Variants in NAGS observed in about 807,000 individuals in gnomAD.
NAGS encodes the protein N-acetylglutamate synthase.
NAGS carries 34 observed loss-of-function variants against 46.9 expected under a neutral mutation model. The ratio of observed to expected loss-of-function variants is 0.72; its 90% CI spans 0.55 to 0.97. The LOEUF is 0.97. NAGS is among the 50% of genes least tolerant of loss of function. The pLI, the probability that NAGS is intolerant of heterozygous loss-of-function variation, is 0.00. For missense variants in NAGS, 665 were observed against 747.0 expected, an observed-to-expected ratio of 0.89 and a Z score of 1.28; for synonymous variants, 334 against 346.3, an observed-to-expected ratio of 0.96 and a Z score of 0.39.
In NAGS at chr17:44,005,557, G is replaced by C. The variant is rs373425505; in HGVS notation, c.427-80G>C. 1.7e-5 allele frequency: 26 copies of C among 1,549,390 alleles called. No individual in the cohort carries two copies. The African/African-American group carries it at 2.4e-4, about 15-fold the overall frequency. On this transcript the variant is annotated intron_variant, in intron 1 of 6. Coordinates refer to ENST00000293404, the MANE Select transcript of NAGS (RefSeq NM_153006.3). The surrounding 1 kb of genome is among the most constrained non-coding windows in gnomAD (Gnocchi z 7.2). The stretch of plus-strand genomic sequence containing the variant: ...CAGCTTCTGGAAGGGTAGGGTCACC[G>C]AGACGGCCCTGCAGGCCAGGCTGTG...
Position 44,007,408 on chromosome 17 carries a change from G to A in NAGS, c.1182G>A (p.Leu394=). The change falls in exon 5 of 7, where the codon CTG becomes CTA. Residue 394 remains leucine (L), a synonymous_variant. Transcript: ENST00000293404. This position sits in a 1 kb window ranked among gnomAD's most constrained non-coding sequence, Gnocchi z 5.1. ...TGGACCAGGGCCGTCTAGTGGACCT[G>A]GTCAACGCCAGCTTCGGCAAGAAGC... is the stretch of plus-strand genomic sequence containing the variant. ...DKLDQGRLVD[L]VNASFGKKLR... is the part of the protein sequence containing the mutation. 6 of 1,613,892 alleles carry A rather than the reference G, an allele frequency of 3.7e-6. No homozygotes were observed. Among genetic ancestry groups the A allele is most frequent in the Non-Finnish European group, 5.1e-6 (6 of 1,179,988 alleles).
Position 44,004,844 on chromosome 17 carries a change from G to C in NAGS, c.181G>C (p.Glu61Gln). The C allele has an allele frequency of 1.3e-6, 2 of 1,521,792 alleles. No individual in the cohort carries two copies. The highest frequency in any genetic ancestry group is 1.8e-6 in the Non-Finnish European group (2 of 1,140,488). The allele number at this position is 1,521,792 out of a possible 1,614,324, so 94.3% of individuals were successfully genotyped here. Residue 61 changes from glutamate (E) to glutamine (Q), a missense_variant, in exon 1 of 7, where the codon GAG becomes CAG. Transcript: ENST00000293404. The part of the protein sequence containing the change: ...TAWSQPQPPP[E>Q]EYAGADDVSQ... Reference sequence around the variant, plus strand: ...CTGGTCGCAGCCCCAGCCCCCGCCCGAGGAGTACGCGGGCGCGGACGACGT... The same window carrying C: ...CTGGTCGCAGCCCCAGCCCCCGCCCCAGGAGTACGCGGGCGCGGACGACGT...
chr17:44,007,923 A>C lies in NAGS; in HGVS notation c.1451+150A>C. On this transcript the variant is annotated intron_variant, in intron 6 of 6. Transcript: ENST00000293404. The surrounding 1 kb of genome is among the most constrained non-coding windows in gnomAD (Gnocchi z 5.1). ...AGGGGCAGAACACACAGAAAGCCTGAGATTTCCCGAGTTAAAGCATGCTTA... is the reference window on the plus strand; with the variant it reads ...AGGGGCAGAACACACAGAAAGCCTGCGATTTCCCGAGTTAAAGCATGCTTA... 1 of 853,302 alleles carries C rather than the reference A, an allele frequency of 1.2e-6. No homozygotes were observed. Among genetic ancestry groups the C allele is most frequent in the Non-Finnish European group, 1.9e-6 (1 of 533,606 alleles). The allele number at this position is 853,302 out of a possible 1,614,324, so 52.9% of individuals were successfully genotyped here.
Position 44,004,996 on chromosome 17 carries a change from C to T in NAGS, c.333C>T (p.Asn111=), listed in dbSNP as rs2049066110. The change falls in exon 1 of 7, where the codon AAC becomes AAT. Residue 111 remains asparagine (N), a synonymous_variant. Coordinates refer to ENST00000293404, the MANE Select transcript of NAGS (RefSeq NM_153006.3). The part of the protein sequence containing the change: ...LVQRDIQAFL[N]QCGASPGEAR... ...AGCGGGACATCCAGGCCTTCCTGAA[C>T]CAGTGCGGGGCCAGCCCTGGGGAGG... The T allele has an allele frequency of 6.5e-7, 1 of 1,549,596 alleles. No individual in the cohort carries two copies. The highest frequency in any genetic ancestry group is 1.4e-5 in the African/African-American group (1 of 73,580).
Position 44,008,709 on chromosome 17 carries a change from G to C in NAGS, c.*108G>C, listed in dbSNP as rs2049125799. ...GCCACAGGCTGAAGGGGGCTTGTTGGCTGAGTGATCTGCAGAGGAGAAAGC... is the reference window on the plus strand; with the variant it reads ...GCCACAGGCTGAAGGGGGCTTGTTGCCTGAGTGATCTGCAGAGGAGAAAGC... On this transcript the variant is annotated 3_prime_UTR_variant, in exon 7 of 7. Coordinates refer to ENST00000293404, the MANE Select transcript of NAGS (RefSeq NM_153006.3). 2 of 1,456,202 alleles carry C rather than the reference G, an allele frequency of 1.4e-6. No homozygotes were observed. Among genetic ancestry groups the C allele is most frequent in the South Asian group, 1.1e-5 (1 of 87,092 alleles). The allele number at this position is 1,456,202 out of a possible 1,614,324, so 90.2% of individuals were successfully genotyped here.
At position 44,006,813 on chromosome 17, in the gene NAGS, C is replaced by G; in HGVS notation, c.1096+104C>G. 2 of 1,266,098 alleles carry G rather than the reference C, an allele frequency of 1.6e-6. No homozygotes were observed. Among genetic ancestry groups the G allele is most frequent in the Non-Finnish European group, 2.1e-6 (2 of 931,630 alleles). The allele number at this position is 1,266,098 out of a possible 1,614,324, so 78.4% of individuals were successfully genotyped here. ...GCGGCTTCTCCTCCTGTCCAGGAGC[C>G]GTAGGGGGAGGCGGGGGGTGTCACA... On this transcript the variant is annotated intron_variant, in intron 4 of 6. Transcript: ENST00000293404. This position sits in a 1 kb window ranked among gnomAD's most constrained non-coding sequence, Gnocchi z 4.8.
chr17:44,006,118 G>C lies in NAGS; in HGVS notation c.796G>C (p.Ala266Pro). The change falls in exon 3 of 7, where the codon GCG (alanine) becomes CCG (proline). Residue 266 changes from alanine to proline, a missense_variant. Physicochemically the swap from Ala to Pro is conservative, Grantham distance 27. Coordinates refer to ENST00000293404, the MANE Select transcript of NAGS (RefSeq NM_153006.3). This position sits in a 1 kb window ranked among gnomAD's most constrained non-coding sequence, Gnocchi z 4.8. ...PILCPIGETA[A>P]RRSVLLDSLE... is the part of the protein sequence containing the mutation. ...CCTGTGCCCCATCGGGGAGACGGCC[G>C]CGCGCCGCTCCGTGCTTCTCGACTC... The C allele has an allele frequency of 6.2e-7, 1 of 1,612,982 alleles. No homozygotes were observed. Among genetic ancestry groups the C allele is most frequent in the East Asian group, 2.2e-5 (1 of 44,862 alleles).
Position 44,008,674 on chromosome 17 carries a change from C to G in NAGS, c.*73C>G, listed in dbSNP as rs2049125560. 1.3e-6 allele frequency: 2 copies of G among 1,593,470 alleles called. No homozygotes were observed. Among genetic ancestry groups the G allele is most frequent in the Non-Finnish European group, 1.7e-6 (2 of 1,163,262 alleles). ...AAGCCATGCCAGCTGGGCATGACCC[C>G]AGGCAGCCAGCCACAGGCTGAAGGG... On this transcript the variant is annotated 3_prime_UTR_variant, in exon 7 of 7. Transcript: ENST00000293404.
In NAGS at chr17:44,007,261, G is replaced by A; in HGVS notation, c.1097-62G>A. 1 of 1,556,310 alleles carries A rather than the reference G, an allele frequency of 6.4e-7. No individual in the cohort carries two copies. On this transcript the variant is annotated intron_variant, in intron 4 of 6. Transcript: ENST00000293404. This position sits in a 1 kb window ranked among gnomAD's most constrained non-coding sequence, Gnocchi z 5.1. ...CCCACCAGCGCCTGTCCTACCTGCA[G>A]TCCCCACCAGGCTGCGCAAACGGCC...
At position 44,007,713 on chromosome 17, in the gene NAGS, T is replaced by G; in HGVS notation, c.1391T>G (p.Leu464Arg). ...QGSGQMLWEC[L>R]RRDLQTLFWR... Reference sequence around the variant, plus strand: ...TCCGGCCAGATGCTGTGGGAGTGCCTGCGGCGGGACCTTCAGACACTTTTC... The same window carrying G: ...TCCGGCCAGATGCTGTGGGAGTGCCGGCGGCGGGACCTTCAGACACTTTTC... The change falls in exon 6 of 7, where the codon CTG becomes CGG. Residue 464 changes from leucine to arginine, a missense_variant. Leu to Arg is a moderately radical substitution (Grantham distance 102). Coordinates refer to ENST00000293404, the MANE Select transcript of NAGS (RefSeq NM_153006.3). This position sits in a 1 kb window ranked among gnomAD's most constrained non-coding sequence, Gnocchi z 5.1. 1 of 1,603,538 alleles carries G rather than the reference T, an allele frequency of 6.2e-7. No homozygotes were observed. The highest frequency in any genetic ancestry group is 1.3e-5 in the African/African-American group (1 of 74,780).
In NAGS at chr17:44,005,600, T is replaced by C; in HGVS notation, c.427-37T>C. The C allele has an allele frequency of 6.2e-7, 1 of 1,601,324 alleles. No individual in the cohort carries two copies. Among genetic ancestry groups the C allele is most frequent in the Non-Finnish European group, 8.5e-7 (1 of 1,175,034 alleles). ...AGGCTGTGGGAGCCAGCGGCTCAGG[T>C]CCGTGTCACGCTCCTTGAAAGCCCA... On this transcript the variant is annotated intron_variant, in intron 1 of 6. Transcript: ENST00000293404. The surrounding 1 kb of genome is among the most constrained non-coding windows in gnomAD (Gnocchi z 7.2).
Position 44,005,476 on chromosome 17 carries a change from C to T in NAGS, c.427-161C>T, listed in dbSNP as rs530817844. Among the ~76,000 whole-genome samples the T allele has an allele frequency of 6.6e-6, 1 of 152,290 alleles. No individual in the cohort carries two copies. Among genetic ancestry groups the T allele is most frequent in the East Asian group, 1.9e-4 (1 of 5,170 alleles). ...AGCGTGAGACAAGGGAGTGGCAAGA[C>T]CCAACGGGGCAAAGGGCGGAGCAGG... is the stretch of plus-strand genomic sequence containing the variant. On this transcript the variant is annotated intron_variant, in intron 1 of 6. Coordinates refer to ENST00000293404, the MANE Select transcript of NAGS (RefSeq NM_153006.3). This position sits in a 1 kb window ranked among gnomAD's most constrained non-coding sequence, Gnocchi z 7.2.
In NAGS at chr17:44,006,175, C is replaced by A; in HGVS notation, c.853C>A (p.Leu285Met). The A allele has an allele frequency of 6.2e-7, 1 of 1,613,438 alleles. No individual in the cohort carries two copies. Among genetic ancestry groups the A allele is most frequent in the Non-Finnish European group, 8.5e-7 (1 of 1,180,014 alleles). ...LEVTASLAKA[L>M]RPTKIIFLNN... is the part of the protein sequence containing the mutation. Reference sequence around the variant, plus strand: ...GGTGACCGCGTCGCTGGCCAAGGCGCTGCGGCCCACCAAAATCATCTTCCT... The same window carrying A: ...GGTGACCGCGTCGCTGGCCAAGGCGATGCGGCCCACCAAAATCATCTTCCT... Residue 285 changes from leucine (L) to methionine (M), a missense_variant, in exon 3 of 7, where the codon CTG becomes ATG. Physicochemically the swap from Leu to Met is conservative, Grantham distance 15. Transcript: ENST00000293404. This position sits in a 1 kb window ranked among gnomAD's most constrained non-coding sequence, Gnocchi z 4.8.
Position 44,005,052 on chromosome 17 carries a change from G to C in NAGS, c.389G>C (p.Cys130Ser). The part of the protein sequence containing the change: ...ARHWLTQFQT[C>S]HHSADKPFAV... Reference sequence around the variant, plus strand: ...CACTGGCTCACGCAGTTCCAGACCTGCCATCACTCCGCGGACAAGCCCTTC... The same window carrying C: ...CACTGGCTCACGCAGTTCCAGACCTCCCATCACTCCGCGGACAAGCCCTTC... The change falls in exon 1 of 7, where the codon TGC becomes TCC. Residue 130 changes from cysteine to serine, a missense_variant. Transcript: ENST00000293404. This position sits in a 1 kb window ranked among gnomAD's most constrained non-coding sequence, Gnocchi z 7.2. 1 of 1,573,274 alleles carries C rather than the reference G, an allele frequency of 6.4e-7. No individual in the cohort carries two copies. The highest frequency in any genetic ancestry group is 8.6e-7 in the Non-Finnish European group (1 of 1,163,992).
rs2049091577 is a variant in NAGS at position 44,006,378 on chromosome 17, C to T, written c.915+141C>T. The T allele has an allele frequency of 6.9e-7, 1 of 1,444,306 alleles. No homozygotes were observed. Among genetic ancestry groups the T allele is most frequent in the Non-Finnish European group, 9.5e-7 (1 of 1,054,006 alleles). The allele number at this position is 1,444,306 out of a possible 1,614,324, so 89.5% of individuals were successfully genotyped here. A position where few individuals can be genotyped will look rare whatever the true frequency, so the allele number is the denominator to read the frequency against. On this transcript the variant is annotated intron_variant, in intron 3 of 6. Coordinates refer to ENST00000293404, the MANE Select transcript of NAGS (RefSeq NM_153006.3). The surrounding 1 kb of genome is among the most constrained non-coding windows in gnomAD (Gnocchi z 4.8). ...CCTAAGGGAGTATAGGGGAGGAGTT[C>T]AGCCCTGGGTGCCCAGATCTGCGCC... is the stretch of plus-strand genomic sequence containing the variant.
At position 44,007,912 on chromosome 17, in the gene NAGS, C is replaced by A; in HGVS notation, c.1451+139C>A. 1.1e-6 allele frequency: 1 copy of A among 905,024 alleles called. No homozygotes were observed. The allele number at this position is 905,024 out of a possible 1,614,324, so 56.1% of individuals were successfully genotyped here. ...CACTACCTCCCAGGGGCAGAACACA[C>A]AGAAAGCCTGAGATTTCCCGAGTTA... On this transcript the variant is annotated intron_variant, in intron 6 of 6. Coordinates refer to ENST00000293404, the MANE Select transcript of NAGS (RefSeq NM_153006.3). This position sits in a 1 kb window ranked among gnomAD's most constrained non-coding sequence, Gnocchi z 5.1.
At position 44,005,993 on chromosome 17, in the gene NAGS, G is replaced by A; in HGVS notation, c.702-31G>A. 2 of 1,573,054 alleles carry A rather than the reference G, an allele frequency of 1.3e-6. No homozygotes were observed. Among genetic ancestry groups the A allele is most frequent in the Non-Finnish European group, 1.7e-6 (2 of 1,162,624 alleles). The stretch of plus-strand genomic sequence containing the variant: ...TGCCCCGTCCGGCAGGCCTGGAGGG[G>A]GCCCTCTCGAGCACCACGTCTGGCC... On this transcript the variant is annotated intron_variant, in intron 2 of 6. Coordinates refer to ENST00000293404, the MANE Select transcript of NAGS (RefSeq NM_153006.3). The surrounding 1 kb of genome is among the most constrained non-coding windows in gnomAD (Gnocchi z 7.2).
At position 44,006,608 on chromosome 17, in the gene NAGS, A is replaced by C; in HGVS notation, c.995A>C (p.Gln332Pro). 1 of 1,605,090 alleles carries C rather than the reference A, an allele frequency of 6.2e-7. No individual in the cohort carries two copies. The highest frequency in any genetic ancestry group is 8.5e-7 in the Non-Finnish European group (1 of 1,176,274). The change falls in exon 4 of 7, where the codon CAG becomes CCG. Residue 332 changes from glutamine to proline, a missense_variant. Gln to Pro is a moderately conservative substitution (Grantham distance 76, BLOSUM62 -1). Coordinates refer to ENST00000293404, the MANE Select transcript of NAGS (RefSeq NM_153006.3). This position sits in a 1 kb window ranked among gnomAD's most constrained non-coding sequence, Gnocchi z 4.8. ...TGGGTGAGCACAAAAGAACGGCAGC[A>C]GATGCGGCTCATCGTGGACGTGCTC... ...AEWVSTKERQQMRLIVDVLSR... is the reference protein window; with the variant it reads ...AEWVSTKERQPMRLIVDVLSR...
rs749449489 is a variant in NAGS, at chr17:44,008,444, C to G, written c.1452-4C>G. On this transcript the variant is annotated splice_polypyrimidine_tract_variant and splice_region_variant and intron_variant, in intron 6 of 6. Transcript: ENST00000293404. ...TGTTTCCTACATCACCTCCCCACAC[C>G]CAGGTACTTCAAACACAGTGATGGC... 16 of 1,614,224 alleles carry G rather than the reference C, an allele frequency of 9.9e-6. No individual in the cohort carries two copies. The South Asian group carries it at 1.6e-4, about 17-fold the overall frequency.
Sources: gnomAD v4.1 joint callset for allele counts (sites outside exome capture counted in the v4.1 genomes callset) on GRCh38, gnomAD v4.1.1 for gene constraint, Gnocchi (gnomAD v3.1) non-coding constraint, MANE v1.5 for transcripts, NCBI Gene and HGNC (gene_info 2026-07-23, HGNC 2026-07-21) for gene names.